The following PMS1 variants were observed in gnomAD, a reference collection of about 807,000 sequenced individuals.
PMS1 encodes the protein PMS1 homolog 1, mismatch repair system component.
Under a neutral mutation model 93.1 loss-of-function variants are expected in PMS1, and 79 were observed. That is an observed-to-expected ratio of 0.85 (90% CI 0.71 to 1.02). The LOEUF is 1.02. Ranked by LOEUF, PMS1 falls within the 50% of genes least tolerant of loss-of-function variation. The pLI is 0.00. For missense variants in PMS1, 1,064 were observed against 1,085.3 expected, an observed-to-expected ratio of 0.98 and a Z score of 0.28; for synonymous variants, 335 against 363.4, an observed-to-expected ratio of 0.92 and a Z score of 0.89.
intron 4 of PMS1, among the ~76,000 whole-genome samples, chr2:189,815,115 GAT>G (rs1450178858): frequency 6.8e-6 from 1 of 147,782 alleles, no homozygotes; most frequent in African/African-American, 2.5e-5. Flanking sequence ...AAAAAAAAAA[GAT>G]ATGATACTCA....
intron 1 of PMS1, among the ~76,000 whole-genome samples, chr2:189,786,969 C>A (rs1188893429): frequency 6.6e-6 from 1 of 152,152 alleles, no homozygotes; most frequent in Admixed American, 6.5e-5. Context: ...AGGAGAATCG[C>A]TTGAACCCGG....
chr2:189,816,104 C>G (rs1025341994), intron 4 of PMS1, among the ~76,000 whole-genome samples: 1 of 152,116 alleles, frequency 6.6e-6, no homozygotes, highest in African/African-American at 2.4e-5. Context: ...ACTGTGTTGC[C>G]CAGTCTGGTC....
intron 6 of PMS1, among the ~76,000 whole-genome samples, chr2:189,852,361 T>C (rs2054832013): frequency 6.6e-6 from 1 of 152,204 alleles, no homozygotes; most frequent in Admixed American, 6.5e-5. Context: ...GATTGAATGC[T>C]CTATGTCCTA....
intron 3 of PMS1, among the ~76,000 whole-genome samples, chr2:189,799,510 T>C (rs999796045): frequency 6.6e-6 from 1 of 152,242 alleles, no homozygotes; most frequent in African/African-American, 2.4e-5. Flanking sequence ...GTTCTTTATG[T>C]TCTTGAACTT....
intron 4 of PMS1, among the ~76,000 whole-genome samples, chr2:189,810,647 GAGAA>G (rs1394146834): frequency 1.3e-5 from 2 of 152,164 alleles, no homozygotes; most frequent in Non-Finnish European, 2.9e-5. Flanking sequence ...GACTGAGCTA[GAGAA>G]AGAAGGATCT....
intron 4 of PMS1, 196 bp downstream of exon 4, chr2:189,805,950 A>G (rs1575082686): frequency 6.7e-7 from 1 of 1,494,256 alleles, no homozygotes; most frequent in Non-Finnish European, 8.9e-7. Flanking sequence ...TGTTCTCAAA[A>G]GGAACTGTAT....
chr2:189,825,337 A>G (rs2052337269), intron 5 of PMS1, among the ~76,000 whole-genome samples: 1 of 152,216 alleles, frequency 6.6e-6, no homozygotes. Flanking sequence ...TGCTAGAGCC[A>G]TTCCTTAGAT....
Position 189,852,760 on chromosome 2 carries a change from CA to C in PMS1, c.810del (p.Asp271IlefsTer3). 2 of 1,583,032 alleles carry C rather than the reference CA, an allele frequency of 1.3e-6. No homozygotes were observed. Among genetic ancestry groups the C allele is most frequent in the Non-Finnish European group, 1.7e-6 (2 of 1,153,442 alleles). On this transcript the variant is annotated frameshift_variant, in exon 7 of 13. Coordinates refer to ENST00000441310, the MANE Select transcript of PMS1 (RefSeq NM_000534.5). LOFTEE classifies it high-confidence loss of function. ...FIFINSRPVH[Q>X]KDILKLIRHH... ...CTTCATAAACAGTCGACCAGTACAT[CA>C]AAAAGATATCTTAAAGGTAGTATGC...
chr2:189,844,414 C>A (rs2054072436), intron 6 of PMS1, among the ~76,000 whole-genome samples: 1 of 152,092 alleles, frequency 6.6e-6, no homozygotes, highest in Admixed American at 6.6e-5. Flanking sequence ...AAGTCCGGGG[C>A]AGGCAGATGA....
At chr2:189,794,013 C>T (rs571696006) in intron 2 of PMS1, among the ~76,000 whole-genome samples, 77 of 152,248 alleles carry the variant, frequency 5.1e-4, no homozygotes, top group Non-Finnish European at 9.1e-4. Context: ...ATCTCAGCCT[C>T]GTAAATTGCT....
chr2:189,792,982 G>A (rs911524402), intron 2 of PMS1, among the ~76,000 whole-genome samples: 9 of 151,846 alleles, frequency 5.9e-5, no homozygotes, highest in African/African-American at 1.7e-4. Context: ...GCAAATTTTT[G>A]TATTTTTAGT....
At chr2:189,850,733 G>A (rs2054617926) in intron 6 of PMS1, among the ~76,000 whole-genome samples, 1 of 152,116 alleles carries the variant, frequency 6.6e-6, no homozygotes, top group African/African-American at 2.4e-5. Flanking sequence ...GACCAAAGGA[G>A]AAGGATGAAA....
chr2:189,827,775 T>C (rs535841111), intron 5 of PMS1, among the ~76,000 whole-genome samples: 5 of 152,090 alleles, frequency 3.3e-5, no homozygotes, highest in South Asian at 2.1e-4. Context: ...ATCTCACTTA[T>C]ATGTGGAATC....
chr2:189,854,144 T>TA, intron 8 of PMS1, 62 bp downstream of exon 8: 1 of 1,380,806 alleles, frequency 7.2e-7, no homozygotes, highest in Non-Finnish European at 9.9e-7. Context: ...TGTTTTCATA[T>TA]AAAAAGATTT....
intron 5 of PMS1, among the ~76,000 whole-genome samples, chr2:189,824,356 A>G (rs5743049): frequency 6.6e-6 from 1 of 152,038 alleles, no homozygotes; most frequent in Non-Finnish European, 1.5e-5. Context: ...TGTGATTATA[A>G]TGGCACTATT....
At chr2:189,863,368 C>T (rs2106506301) in intron 9 of PMS1, among the ~76,000 whole-genome samples, 1 of 152,034 alleles carries the variant, frequency 6.6e-6, no homozygotes, top group East Asian at 1.9e-4. Context: ...ATTCTCATGC[C>T]TCAGCCTTCT....
At chr2:189,823,133 C>T (rs1293047634) in intron 5 of PMS1, among the ~76,000 whole-genome samples, 2 of 151,752 alleles carry the variant, frequency 1.3e-5, no homozygotes, top group East Asian at 1.9e-4. Context: ...TAGGCAGTCA[C>T]CTTTAAAACT....
chr2:189,793,624 G>T (rs1411291009), intron 2 of PMS1, among the ~76,000 whole-genome samples: 1 of 152,108 alleles, frequency 6.6e-6, no homozygotes, highest in Non-Finnish European at 1.5e-5. Context: ...AGAATCTTTG[G>T]CAGGCAGACA....
At chr2:189,800,357 C>T (rs957140870) in intron 3 of PMS1, among the ~76,000 whole-genome samples, 2 of 152,018 alleles carry the variant, frequency 1.3e-5, no homozygotes, top group Non-Finnish European at 2.9e-5. Flanking sequence ...CCCAGGCCTG[C>T]AGTGCTAAGT....
Sources: gnomAD v4.1 joint callset for allele counts (sites outside exome capture counted in the v4.1 genomes callset) on GRCh38, gnomAD v4.1.1 for gene constraint, MANE v1.5 for transcripts, NCBI Gene and HGNC (gene_info 2026-07-23, HGNC 2026-07-21) for gene names.